HDAC4: variants seen among roughly 807,000 people sequenced by gnomAD.
HDAC4 encodes the protein histone deacetylase A.
Under a neutral mutation model 135.1 loss-of-function variants are expected in HDAC4, and 16 were observed. The ratio of observed to expected loss-of-function variants is 0.12; its 90% CI spans 0.08 to 0.18. HDAC4 has a LOEUF of 0.18. HDAC4 is among the 10% of genes least tolerant of loss of function. The probability of loss-of-function intolerance (pLI) is 1.00; values close to 1 mark genes in which losing one functional copy is unlikely to be tolerated. For synonymous variants in HDAC4, 685 were observed against 653.4 expected, an observed-to-expected ratio of 1.05 and a Z score of -0.74; for missense variants, 1,143 against 1,511.8, an observed-to-expected ratio of 0.76 and a Z score of 4.05.
At position 239,212,325 on chromosome 2, in the gene HDAC4, C is replaced by T. The variant is rs770908137; in HGVS notation, c.95-22248G>A. Among the ~76,000 whole-genome samples, 45 of 152,176 alleles carry T rather than the reference C, an allele frequency of 3.0e-4. 2 individuals carry two copies. The highest frequency in any genetic ancestry group is 1.2e-3 in the Admixed American group (18 of 15,288). On this transcript the variant is annotated intron_variant, in intron 3 of 26. Transcript: ENST00000543185. ...CCTCTTGACATTTAAAGAATTGCTT[C>T]CTGTAAAGAACACAGGCTAGGGCAC... is the stretch of plus-strand genomic sequence containing the variant.
chr2:239,077,053 G>A (rs1337081934), intron 22 of HDAC4, among the ~76,000 whole-genome samples: 1 of 152,102 alleles, frequency 6.6e-6, no homozygotes, highest in Non-Finnish European at 1.5e-5. Context: ...TGTTTTCTGG[G>A]CTTGTCCACT....
Position 239,377,321 on chromosome 2 carries a change from G to A in HDAC4, c.-220+23657C>T, listed in dbSNP as rs570556620. ...ACACAGGTGCTGGCTCACAGGCCAC[G>A]TGTGCCTCTGGAGGCCCCAAAATGT... On this transcript the variant is annotated intron_variant, in intron 1 of 26. Transcript: ENST00000543185. Among the ~76,000 whole-genome samples, 3 of 152,322 alleles carry A rather than the reference G, an allele frequency of 2.0e-5. No individual in the cohort carries two copies. The South Asian group carries it at 6.2e-4, about 32-fold the overall frequency.
intron 2 of HDAC4, among the ~76,000 whole-genome samples, chr2:239,265,404 G>T (rs1315567386): frequency 6.6e-6 from 1 of 152,250 alleles, no homozygotes; most frequent in Non-Finnish European, 1.5e-5. Flanking sequence ...CTCCTCCAGA[G>T]AAGCCAAGGC....
chr2:239,125,387 G>A (rs1233773183), intron 12 of HDAC4, among the ~76,000 whole-genome samples: 2 of 152,166 alleles, frequency 1.3e-5, no homozygotes, highest in East Asian at 1.9e-4. Context: ...ATGTTTCCTC[G>A]AGGACTCCCC....
chr2:239,388,086 C>T (rs768386042), intron 1 of HDAC4, among the ~76,000 whole-genome samples: 18 of 152,212 alleles, frequency 1.2e-4, no homozygotes, highest in Non-Finnish European at 2.5e-4. Context: ...TGGCAGGACG[C>T]GGCTGGGCAG....
Position 239,066,872 on chromosome 2 carries a change from G to A in HDAC4, c.2870-17C>T, listed in dbSNP as rs764645812. ...ACCCGAAGCCTGCAACGGGAAACGG[G>A]AGACTGCAGTGTGAACGGGGGAGGA... On this transcript the variant is annotated splice_polypyrimidine_tract_variant and intron_variant, in intron 23 of 26. Coordinates refer to ENST00000543185, the MANE Select transcript of HDAC4 (RefSeq NM_001378414.1). The A allele has an allele frequency of 9.9e-6, 16 of 1,611,008 alleles. No individual in the cohort carries two copies. The highest frequency in any genetic ancestry group is 1.3e-5 in the Non-Finnish European group (15 of 1,178,788).
chr2:239,134,247 G>T lies in HDAC4; in HGVS notation c.1292C>A (p.Thr431Lys). The T allele has an allele frequency of 6.2e-7, 1 of 1,610,036 alleles. No individual in the cohort carries two copies. Among genetic ancestry groups the T allele is most frequent in the Non-Finnish European group, 8.5e-7 (1 of 1,179,706 alleles). Residue 431 changes from threonine (T) to lysine (K), a missense_variant and splice_region_variant, in exon 11 of 27, where the codon ACA (threonine) becomes AAA (lysine). By Grantham distance (78) the Thr-to-Lys change is moderately conservative (BLOSUM62 -1). Transcript: ENST00000543185. ...EQPPAQAPLVTDWYLSGLGAL... is the reference protein window; with the variant it reads ...EQPPAQAPLVKDWYLSGLGAL... ...CACCCAGGCCCATTTGTGCTCACCT[G>T]TGACGAGGGGTGCTTGTGCCGGCGG...
intron 1 of HDAC4, among the ~76,000 whole-genome samples, chr2:239,391,209 GC>G (rs1696182435): frequency 6.6e-6 from 1 of 152,234 alleles, no homozygotes; most frequent in Admixed American, 6.5e-5. Flanking sequence ...AGCGCAGCAT[GC>G]CCTGGGGGCT....
intron 1 of HDAC4, among the ~76,000 whole-genome samples, chr2:239,383,719 C>A (rs539203585): frequency 6.6e-6 from 1 of 152,264 alleles, no homozygotes; most frequent in Admixed American, 6.5e-5. Context: ...GGGTGGGGGG[C>A]AGGGTAGAGC....
At chr2:239,163,711 G>C (rs1254268034) in intron 6 of HDAC4, 92 bp downstream of exon 6, 1 of 1,333,606 alleles carries the variant, frequency 7.5e-7, no homozygotes, top group East Asian at 2.3e-5. Context: ...TGCCTCCGGT[G>C]AAGAGCTGGC....
intron 5 of HDAC4, among the ~76,000 whole-genome samples, chr2:239,175,385 C>T (rs140961176): frequency 9.2e-5 from 14 of 152,350 alleles, no homozygotes; most frequent in East Asian, 7.7e-4. Context: ...GCACCGTCCT[C>T]GTGCAGAGGA....
chr2:239,092,072 AAAAC>A (rs1335261482), intron 17 of HDAC4, among the ~76,000 whole-genome samples: 3 of 151,926 alleles, frequency 2.0e-5, no homozygotes, highest in East Asian at 3.9e-4. Flanking sequence ...CTCCGTCTCA[AAAAC>A]AAACAAACAA....
intron 11 of HDAC4, among the ~76,000 whole-genome samples, chr2:239,133,745 G>A (rs1440961396): frequency 1.3e-5 from 2 of 152,220 alleles, no homozygotes; most frequent in African/African-American, 4.8e-5. Flanking sequence ...GGGATTACAG[G>A]TGTCAGTCAC....
At chr2:239,326,975 C>T (rs2125796030) in intron 2 of HDAC4, among the ~76,000 whole-genome samples, 1 of 152,328 alleles carries the variant, frequency 6.6e-6, no homozygotes, top group East Asian at 1.9e-4. Flanking sequence ...CTTCCCAGGC[C>T]ATGAGTGCAG....
intron 2 of HDAC4, among the ~76,000 whole-genome samples, chr2:239,326,584 A>G (rs2053476623): frequency 6.6e-6 from 1 of 152,260 alleles, no homozygotes; most frequent in African/African-American, 2.4e-5. Context: ...GTTGGTAGAC[A>G]GAAACAACAC....
intron 1 of HDAC4, among the ~76,000 whole-genome samples, chr2:239,367,118 G>A (rs888608854): frequency 6.6e-6 from 1 of 152,092 alleles, no homozygotes; most frequent in Admixed American, 6.5e-5. Context: ...CTAAAACAGC[G>A]GTCCTCATAA....
intron 15 of HDAC4, among the ~76,000 whole-genome samples, chr2:239,104,092 T>A (rs903975510): frequency 6.6e-6 from 1 of 152,190 alleles, no homozygotes; most frequent in Non-Finnish European, 1.5e-5. Flanking sequence ...TATGGTCCCA[T>A]CCACATAACC....
At chr2:239,107,129 C>A (rs1333917072) in intron 15 of HDAC4, among the ~76,000 whole-genome samples, 1 of 152,224 alleles carries the variant, frequency 6.6e-6, no homozygotes, top group African/African-American at 2.4e-5. Flanking sequence ...CAGGGCCTGG[C>A]CACACCCTCC....
intron 7 of HDAC4, among the ~76,000 whole-genome samples, chr2:239,153,057 C>T (rs1389814433): frequency 5.9e-5 from 9 of 152,224 alleles, no homozygotes; most frequent in Non-Finnish European, 1.0e-4. Context: ...ACTCAGGCAC[C>T]TGGTCCTGCC....
Sources: gnomAD v4.1 joint callset for allele counts (sites outside exome capture counted in the v4.1 genomes callset) on GRCh38, gnomAD v4.1.1 for gene constraint, MANE v1.5 for transcripts, NCBI Gene and HGNC (gene_info 2026-07-23, HGNC 2026-07-21) for gene names.